MROH9: variants seen among roughly 807,000 people sequenced by gnomAD.
MROH9 encodes maestro heat like repeat family member 9, also known as maestro heat-like repeat-containing protein family member 9.
A neutral mutation model predicts 98.2 loss-of-function variants in MROH9; 92 were observed. The observed-to-expected ratio is 0.94, with a 90% confidence interval of 0.79 to 1.11. The LOEUF (loss-of-function observed/expected upper bound fraction) is 1.11. Ranked by LOEUF, MROH9 falls within the 50% of genes most tolerant of loss-of-function variation. MROH9 has a pLI of 0.00. For synonymous variants in MROH9, 397 were observed against 368.9 expected (o/e 1.08, Z -0.87); for missense variants, 1,057 against 1,014.8 (o/e 1.04, Z -0.57).
chr1:170,940,007 T>C (rs1237107055), intron 1 of MROH9, among the ~76,000 whole-genome samples: 3 of 152,202 alleles, frequency 2.0e-5, no homozygotes, highest in Non-Finnish European at 4.4e-5. Context: ...TACAACAGCC[T>C]GGACCTGTTT....
At chr1:170,960,436 T>C (rs975093516) in intron 5 of MROH9, among the ~76,000 whole-genome samples, 6 of 152,198 alleles carry the variant, frequency 3.9e-5, no homozygotes, top group African/African-American at 1.4e-4. Context: ...AATGTGTTGT[T>C]ATATAGCATT....
rs1224495150 is a variant in MROH9, at chr1:171,064,765, A to T, written c.*425A>T. The T allele has an allele frequency of 6.4e-6, 1 of 155,744 alleles. No individual in the cohort carries two copies. Among genetic ancestry groups the T allele is most frequent in the East Asian group, 1.9e-4 (1 of 5,304 alleles). The allele number at this position is 155,744 out of a possible 1,614,324, so 9.6% of individuals were successfully genotyped here. ...CTCAGGATGGGCACAGTCTAGTGAC[A>T]CATAGTGTGGTCATTTCTATCATGC... On this transcript the variant is annotated 3_prime_UTR_variant, in exon 22 of 22. Transcript: ENST00000367759.
chr1:171,014,460 CTTTT>C (rs200306246), intron 16 of MROH9, among the ~76,000 whole-genome samples: 1 of 141,606 alleles, frequency 7.1e-6, no homozygotes, highest in African/African-American at 2.5e-5. Context: ...TATCGCCTTA[CTTTT>C]TTTTTTTTTT....
At chr1:170,942,022 T>C (rs1649139869) in intron 1 of MROH9, among the ~76,000 whole-genome samples, 1 of 152,196 alleles carries the variant, frequency 6.6e-6, no homozygotes, top group Non-Finnish European at 1.5e-5. Flanking sequence ...CACCATTAAA[T>C]GCAGAATCTC....
intron 15 of MROH9, among the ~76,000 whole-genome samples, chr1:171,012,499 A>AT (rs372676922): frequency 0.1 from 11,532 of 114,220 alleles, 964 homozygotes; most frequent in African/African-American, 0.17. Context: ...TAAAACTGTC[A>AT]TTTTTTTTTT....
rs1649298581 is a variant in MROH9, at chr1:170,945,587, G to T, written c.25+6G>T. ...GACAAGGAATCCAAAAACAAGTAAG[G>T]CTTTAGGACACAATAGAGATGGGAG... On this transcript the variant is annotated splice_donor_region_variant and intron_variant, in intron 2 of 21. Transcript: ENST00000367759. The T allele has an allele frequency of 6.2e-7, 1 of 1,611,298 alleles. No homozygotes were observed. Among genetic ancestry groups the T allele is most frequent in the Non-Finnish European group, 8.5e-7 (1 of 1,178,466 alleles).
At position 170,989,904 on chromosome 1, in the gene MROH9, G is replaced by T. The variant is rs780916786; in HGVS notation, c.929G>T (p.Cys310Phe). 5.0e-6 allele frequency: 8 copies of T among 1,612,616 alleles called. No homozygotes were observed. In the Admixed American group the frequency reaches 8.3e-5, roughly 17 times the overall value. ...AIYRQLCDNNCMKDVMLQVIT... is the reference protein window; with the variant it reads ...AIYRQLCDNNFMKDVMLQVIT... Reference sequence around the variant, plus strand: ...TACAGGCAACTGTGTGATAACAATTGTATGAAGGATGTTATGTTGCAGGTT... The same window carrying T: ...TACAGGCAACTGTGTGATAACAATTTTATGAAGGATGTTATGTTGCAGGTT... Residue 310 changes from cysteine (C) to phenylalanine (F), a missense_variant, in exon 11 of 22, where the codon TGT (cysteine) becomes TTT (phenylalanine). By Grantham distance (205) the Cys-to-Phe change is radical. Coordinates refer to ENST00000367759, the MANE Select transcript of MROH9 (RefSeq NM_001163629.2).
chr1:170,944,759 G>A (rs1649257272), intron 1 of MROH9, among the ~76,000 whole-genome samples: 1 of 151,974 alleles, frequency 6.6e-6, no homozygotes, highest in South Asian at 2.1e-4. Context: ...GAAAATCTAT[G>A]TGGTAAGTAG....
intron 15 of MROH9, among the ~76,000 whole-genome samples, chr1:171,013,505 C>CA (rs1265045692): frequency 2.6e-5 from 4 of 152,096 alleles, no homozygotes; most frequent in Non-Finnish European, 2.9e-5. Context: ...AAATGTCTTC[C>CA]AAAAACTGGT....
intron 2 of MROH9, 149 bp downstream of exon 2, chr1:170,945,730 G>A (rs764527152): frequency 1.1e-4 from 63 of 580,146 alleles, no homozygotes; most frequent in Non-Finnish European, 1.4e-4. Flanking sequence ...CCCGTAGAAC[G>A]TTCACAAAAG....
At chr1:170,981,762 A>G (rs568847887) in intron 8 of MROH9, among the ~76,000 whole-genome samples, 1 of 151,660 alleles carries the variant, frequency 6.6e-6, no homozygotes, top group East Asian at 1.9e-4. Context: ...AAAACTCTCT[A>G]TGAAAAAAGA....
intron 15 of MROH9, among the ~76,000 whole-genome samples, chr1:171,006,673 T>C (rs1557895403): frequency 7.7e-6 from 1 of 130,270 alleles, no homozygotes; most frequent in East Asian, 1.9e-4. Flanking sequence ...TATATCTTTT[T>C]CTTTTTTTTT....
intron 20 of MROH9, among the ~76,000 whole-genome samples, chr1:171,042,531 A>G (rs945816500): frequency 4.6e-5 from 7 of 152,084 alleles, no homozygotes; most frequent in Admixed American, 2.6e-4. Flanking sequence ...ATTATATGGT[A>G]GTTCAATTTT....
At chr1:171,048,444 G>C (rs921996176) in intron 20 of MROH9, among the ~76,000 whole-genome samples, 1 of 152,140 alleles carries the variant, frequency 6.6e-6, no homozygotes, top group Non-Finnish European at 1.5e-5. Context: ...ACGTCATGAG[G>C]AGTACTGCCA....
intron 3 of MROH9, among the ~76,000 whole-genome samples, chr1:170,951,128 T>TA (rs1649538813): frequency 6.6e-6 from 1 of 152,032 alleles, no homozygotes; most frequent in Non-Finnish European, 1.5e-5. Flanking sequence ...GTTAGATGTA[T>TA]ACACTGTTAG....
At chr1:171,046,096 G>A (rs1372512733) in intron 20 of MROH9, among the ~76,000 whole-genome samples, 1 of 152,094 alleles carries the variant, frequency 6.6e-6, no homozygotes, top group African/African-American at 2.4e-5. Flanking sequence ...TATCTTTTCT[G>A]ATATAAGTAT....
At chr1:170,996,734 A>T (rs1651591990) in intron 14 of MROH9, 90 bp downstream of exon 14, 2 of 1,245,362 alleles carry the variant, frequency 1.6e-6, no homozygotes, top group African/African-American at 3.0e-5. Flanking sequence ...CAAGATAGGC[A>T]TCTATTCCAA....
At chr1:171,033,765 G>A (rs1383559937) in intron 20 of MROH9, among the ~76,000 whole-genome samples, 1 of 151,896 alleles carries the variant, frequency 6.6e-6, no homozygotes, top group Non-Finnish European at 1.5e-5. Flanking sequence ...TAAAATTAGG[G>A]AACAATAGTA....
chr1:170,977,232 T>A (rs1650738269), intron 8 of MROH9, among the ~76,000 whole-genome samples: 1 of 152,216 alleles, frequency 6.6e-6, no homozygotes, highest in Non-Finnish European at 1.5e-5. Flanking sequence ...GAATTATATT[T>A]CTGTCATTTC....
Sources: gnomAD v4.1 joint callset for allele counts (sites outside exome capture counted in the v4.1 genomes callset) on GRCh38, gnomAD v4.1.1 for gene constraint, MANE v1.5 for transcripts, NCBI Gene and HGNC (gene_info 2026-07-23, HGNC 2026-07-21) for gene names.